Variants in PDGFA observed in about 807,000 individuals in gnomAD.
The protein encoded by PDGFA is platelet-derived growth factor subunit A.
PDGFA carries 9 observed loss-of-function variants against 25.6 expected under a neutral mutation model. The ratio of observed to expected loss-of-function variants is 0.35; its 90% CI spans 0.21 to 0.61. The LOEUF (loss-of-function observed/expected upper bound fraction) is 0.61, where lower values mean the gene tolerates loss of function less well. Among genes scored for constraint, PDGFA ranks in the 20% least tolerant of loss-of-function variants. The pLI is 0.75. For missense variants in PDGFA, 242 were observed against 272.8 expected, an observed-to-expected ratio of 0.89 and a Z score of 0.79; for synonymous variants, 133 against 111.8, an observed-to-expected ratio of 1.19 and a Z score of -1.20.
intron 4 of PDGFA, among the ~76,000 whole-genome samples, chr7:508,755 C>G (rs1027515523): frequency 6.6e-5 from 10 of 151,958 alleles, no homozygotes; most frequent in Admixed American, 1.3e-4. Flanking sequence ...GGAGAAGAGC[C>G]CTAAGAGAGC....
intron 2 of PDGFA, chr7:512,691 G>A (rs1266362621): frequency 1.4e-6 from 2 of 1,441,818 alleles, no homozygotes; most frequent in Non-Finnish European, 9.1e-7. Context: ...CGCCCCGTTA[G>A]CACAGAGGTC....
At chr7:519,246 G>A (rs1783253476) in exon 1 of PDGFA, 1 of 400,376 alleles carries the variant, frequency 2.5e-6, no homozygotes, top group Non-Finnish European at 4.4e-6. Flanking sequence ...GGAGCCTCCT[G>A]GGCCGCCGGG....
intron 3 of PDGFA, among the ~76,000 whole-genome samples, chr7:511,247 CGGAGG>C (rs1254630609): frequency 1.0e-5 from 1 of 100,056 alleles, no homozygotes; most frequent in Non-Finnish European, 2.1e-5. Context: ...GCCAGTGGCT[CGGAGG>C]GGAGGGGAAC....
chr7:516,001 C>G (rs1414096588), intron 2 of PDGFA, among the ~76,000 whole-genome samples: 3 of 120,294 alleles, frequency 2.5e-5, no homozygotes, highest in African/African-American at 6.6e-5. Context: ...TGCTAGCACC[C>G]CCCCCCAGAA....
At chr7:508,590 T>TAAAAAACCC (rs1275774675) in intron 4 of PDGFA, among the ~76,000 whole-genome samples, 2 of 130,894 alleles carry the variant, frequency 1.5e-5, no homozygotes, top group African/African-American at 2.9e-5. Context: ...AAAAAAAAAT[T>TAAAAAACCC]CTCAGCTGAG....
In PDGFA at chr7:514,360, AG is replaced by A. The variant is rs1257576536; in HGVS notation, c.161-1906del. ...CAGCCGTGCTAGCTCATTGACCCCC[AG>A]AAAGCCTGAGCTGGCAAATTTCTTG... On this transcript the variant is annotated intron_variant, in intron 2 of 5. Coordinates refer to ENST00000402802, the Ensembl canonical transcript of PDGFA. Among the ~76,000 whole-genome samples, 3 of 152,272 alleles carry A rather than the reference AG, an allele frequency of 2.0e-5. No homozygotes were observed. The East Asian group carries it at 5.8e-4, about 29-fold the overall frequency.
At position 512,509 on chromosome 7, in the gene PDGFA, G is replaced by T. The variant is rs111265203; in HGVS notation, c.161-54C>A. 1,258 of 1,611,390 alleles carry T rather than the reference G, an allele frequency of 7.8e-4. 4 individuals carry two copies. The African/African-American group carries it at 0.014, about 18-fold the overall frequency. ...GCCCCAGGCCCGTGCGCTGTGCCCTGGGCCTGTCCAGCCGCACTTCCCACA... is the reference window on the plus strand; with the variant it reads ...GCCCCAGGCCCGTGCGCTGTGCCCTTGGCCTGTCCAGCCGCACTTCCCACA... On this transcript the variant is annotated intron_variant, in intron 2 of 5. Transcript: ENST00000402802.
exon 1 of PDGFA, chr7:519,363 C>A: frequency 4.1e-6 from 1 of 243,756 alleles, no homozygotes; most frequent in Non-Finnish European, 7.9e-6. Flanking sequence ...GCTTCAGGAG[C>A]GACCCGGCCG....
intron 4 of PDGFA, among the ~76,000 whole-genome samples, chr7:506,647 G>C (rs1428597285): frequency 6.6e-6 from 1 of 152,148 alleles, no homozygotes. Flanking sequence ...CATGGTCCAC[G>C]TTCAGGCCCA....
At chr7:518,621 CGCA>C (rs1783216247) in intron 1 of PDGFA, 2 of 332,082 alleles carry the variant, frequency 6.0e-6, no homozygotes, top group African/African-American at 2.1e-5. Flanking sequence ...CCCCGCTCCC[CGCA>C]CCCCGCTGCT....
chr7:519,975 G>T (rs1448575765), upstream of PDGFA: 1 of 328,082 alleles, frequency 3.0e-6, no homozygotes, highest in Non-Finnish European at 5.9e-6. Flanking sequence ...AAGCGCTCGG[G>T]GTTCGTGCGG....
Position 517,323 on chromosome 7 carries a change from GC to G in PDGFA, c.160+70del. 1 of 593,738 alleles carries G rather than the reference GC, an allele frequency of 1.7e-6. No individual in the cohort carries two copies. 36.8% of individuals were successfully genotyped at this position (593,738 alleles called of 1,614,324 possible). A position where few individuals can be genotyped will look rare whatever the true frequency, so the allele number is the denominator to read the frequency against. On this transcript the variant is annotated intron_variant, in intron 2 of 5. Transcript: ENST00000402802. This position sits in a 1 kb window ranked among gnomAD's most constrained non-coding sequence, Gnocchi z 7.4. ...GCGCTCCTGCGCGGCGCCCCGCCCGGCCCCAGCTCGGGGCGCACAGGCCGCC... is the reference window on the plus strand; with the variant it reads ...GCGCTCCTGCGCGGCGCCCCGCCCGGCCCAGCTCGGGGCGCACAGGCCGCC...
exon 6 of PDGFA, chr7:497,959 C>CAACAAAAAAAAAAAAAAAAAAAA (rs1782149289): frequency 1.8e-5 from 1 of 56,688 alleles, no homozygotes; most frequent in Non-Finnish European, 3.0e-5. Flanking sequence ...AAAAAAAAAA[C>CAACAAAAAAAAAAAAAAAAAAAA]AAAAAAAAAA....
rs1783165435 is a variant in PDGFA at position 517,532 on chromosome 7, C to A, written c.64-42G>T. ...CACGGTCAGCGCCCGCGGCCCCGACCCCGCCGGCACGCGCCCCCGGCCGCC... is the reference window on the plus strand; with the variant it reads ...CACGGTCAGCGCCCGCGGCCCCGACACCGCCGGCACGCGCCCCCGGCCGCC... On this transcript the variant is annotated intron_variant, in intron 1 of 5. Coordinates refer to ENST00000402802, the Ensembl canonical transcript of PDGFA. This position sits in a 1 kb window ranked among gnomAD's most constrained non-coding sequence, Gnocchi z 7.4. 1.1e-6 allele frequency: 1 copy of A among 948,212 alleles called. No homozygotes were observed. The highest frequency in any genetic ancestry group is 1.3e-6 in the Non-Finnish European group (1 of 750,570). 58.7% of individuals were successfully genotyped at this position (948,212 alleles called of 1,614,324 possible).
Position 513,017 on chromosome 7 carries a change from G to A in PDGFA, c.161-562C>T, listed in dbSNP as rs1027422988. On this transcript the variant is annotated intron_variant, in intron 2 of 5. Coordinates refer to ENST00000402802, the Ensembl canonical transcript of PDGFA. ...TAACCTCTGAGGGGCACTGGAAGCC[G>A]CCAGACTGGGCTGCGGGCCAGACCC... 21 of 190,578 alleles carry A rather than the reference G, an allele frequency of 1.1e-4. 1 individual carries two copies. The highest frequency in any genetic ancestry group is 3.2e-4 in the Admixed American group (6 of 18,968). 11.8% of individuals were successfully genotyped at this position (190,578 alleles called of 1,614,324 possible).
upstream of PDGFA, chr7:519,917 C>G (rs1783297785): frequency 8.7e-6 from 1 of 114,524 alleles, no homozygotes; most frequent in Non-Finnish European, 1.9e-5. Flanking sequence ...CGCCCCCGCC[C>G]CCCCCCCCCG....
intron 4 of PDGFA, among the ~76,000 whole-genome samples, chr7:509,126 C>G (rs912079191): frequency 6.6e-6 from 1 of 152,204 alleles, no homozygotes; most frequent in African/African-American, 2.4e-5. Context: ...GCAAGAAGAC[C>G]TTCAGCAAGT....
At chr7:512,795 G>T in intron 2 of PDGFA, 1 of 593,522 alleles carries the variant, frequency 1.7e-6, no homozygotes, top group Non-Finnish European at 2.5e-6. Context: ...GGTAGCCCAG[G>T]TGAGGGCTGC....
upstream of PDGFA, chr7:520,159 A>G: frequency 3.4e-6 from 1 of 291,404 alleles, no homozygotes; most frequent in East Asian, 1.8e-4. Flanking sequence ...GTGGGGAGGG[A>G]GGAGGCCGCC....
Sources: allele counts gnomAD v4.1 joint callset (sites outside exome capture counted in the v4.1 genomes callset), GRCh38; gene constraint gnomAD v4.1.1; non-coding constraint Gnocchi (gnomAD v3.1); transcripts MANE v1.5; gene names NCBI Gene and HGNC (gene_info 2026-07-23, HGNC 2026-07-21).